The following GSG1L variants were observed in gnomAD, a reference collection of about 807,000 sequenced individuals.
GSG1L encodes germ cell-specific gene 1-like protein.
In GSG1L, 24 loss-of-function variants were observed where a neutral mutation model predicts 42.1. The observed-to-expected ratio is 0.57, with a 90% confidence interval of 0.41 to 0.80. The LOEUF is 0.80. GSG1L is among the 30% of genes least tolerant of loss of function. GSG1L has a pLI of 0.00. For missense variants in GSG1L, 445 were observed against 472.2 expected (o/e 0.94, Z 0.53); for synonymous variants, 215 against 203.5 (o/e 1.06, Z -0.48).
intron 2 of GSG1L, among the ~76,000 whole-genome samples, chr16:27,899,690 C>G (rs2084234912): frequency 6.6e-6 from 1 of 152,138 alleles, no homozygotes; most frequent in Non-Finnish European, 1.5e-5. Context: ...GCACTCCAGC[C>G]AGGGTGACAG....
chr16:27,864,315 C>T (rs1162129400), intron 3 of GSG1L, among the ~76,000 whole-genome samples: 1 of 152,074 alleles, frequency 6.6e-6, no homozygotes. Flanking sequence ...GAGATAGTTT[C>T]CAAAGGAAAG....
At chr16:28,008,823 T>C (rs2085675564) in intron 1 of GSG1L, among the ~76,000 whole-genome samples, 1 of 152,194 alleles carries the variant, frequency 6.6e-6, no homozygotes, top group African/African-American at 2.4e-5. Flanking sequence ...TGTTTGTTTG[T>C]TTTGAGACAG....
At chr16:27,957,990 G>A (rs866501345) in intron 2 of GSG1L, among the ~76,000 whole-genome samples, 11 of 152,252 alleles carry the variant, frequency 7.2e-5, no homozygotes, top group East Asian at 5.8e-4. Context: ...CCAAGGGGAC[G>A]GCACCAAGTC....
intron 2 of GSG1L, among the ~76,000 whole-genome samples, chr16:27,947,561 GA>G (rs1379093275): frequency 1.2e-5 from 1 of 84,394 alleles, no homozygotes; most frequent in Non-Finnish European, 2.9e-5. Flanking sequence ...AAGAAAGAAA[GA>G]AAGAAAGAAA....
chr16:27,859,738 C>T (rs141778264), intron 3 of GSG1L, among the ~76,000 whole-genome samples: 106 of 152,320 alleles, frequency 7.0e-4, no homozygotes, highest in African/African-American at 2.5e-3. Context: ...TGCAGTGGCA[C>T]GATCATAGCT....
At chr16:27,838,280 T>C (rs1026268741) in intron 4 of GSG1L, among the ~76,000 whole-genome samples, 1 of 152,186 alleles carries the variant, frequency 6.6e-6, no homozygotes, top group Non-Finnish European at 1.5e-5. Flanking sequence ...AGGACAGATA[T>C]GAAAACACTG....
At position 27,973,467 on chromosome 16, in the gene GSG1L, AAG is replaced by A. The variant is rs1465975319; in HGVS notation, c.350-10266_350-10265del. On this transcript the variant is annotated intron_variant, in intron 1 of 6. Coordinates refer to ENST00000447459, the MANE Select transcript of GSG1L (RefSeq NM_001109763.2). ...AAAAAAAAAAAAAAAAAAAAAAAAA[AAG>A]AGTGTGTGCTTAGGAGATGGCTTTC... 7.4e-4 allele frequency among the ~76,000 whole-genome samples: 108 copies of A among 145,306 alleles called. 1 individual carries two copies. Among genetic ancestry groups the A allele is most frequent in the African/African-American group, 2.6e-3 (99 of 38,266 alleles).
intron 1 of GSG1L, among the ~76,000 whole-genome samples, chr16:28,026,487 T>A (rs1249258088): frequency 6.6e-6 from 1 of 152,078 alleles, no homozygotes. Flanking sequence ...CGAGTCGGCT[T>A]TCGCTGCCAG....
At chr16:27,843,121 A>G (rs2083405162) in intron 4 of GSG1L, among the ~76,000 whole-genome samples, 1 of 152,214 alleles carries the variant, frequency 6.6e-6, no homozygotes, top group East Asian at 1.9e-4. Flanking sequence ...TCCTAGAGGA[A>G]GTACTCAGTT....
At chr16:27,931,596 T>C (rs534535187) in intron 2 of GSG1L, among the ~76,000 whole-genome samples, 3 of 152,320 alleles carry the variant, frequency 2.0e-5, no homozygotes, top group African/African-American at 7.2e-5. Context: ...GGTCAGGATA[T>C]GGGAACTTTA....
At chr16:27,925,226 G>T (rs2084576922) in intron 2 of GSG1L, among the ~76,000 whole-genome samples, 1 of 152,174 alleles carries the variant, frequency 6.6e-6, no homozygotes, top group Admixed American at 6.5e-5. Context: ...ATTCTTAAAG[G>T]ATATGACATT....
chr16:27,813,799 A>G (rs578250434), intron 5 of GSG1L, among the ~76,000 whole-genome samples: 8 of 152,330 alleles, frequency 5.3e-5, no homozygotes, highest in Non-Finnish European at 1.2e-4. Context: ...GGACAAGGGT[A>G]GGCTTTGGGC....
At chr16:27,913,664 A>T (rs2084417736) in intron 2 of GSG1L, among the ~76,000 whole-genome samples, 1 of 152,166 alleles carries the variant, frequency 6.6e-6, no homozygotes, top group African/African-American at 2.4e-5. Flanking sequence ...TTTATGTATC[A>T]TCTATGGCTG....
At chr16:27,979,700 A>AGAG (rs2085298699) in intron 1 of GSG1L, among the ~76,000 whole-genome samples, 1 of 46,568 alleles carries the variant, frequency 2.1e-5, no homozygotes, top group African/African-American at 7.4e-5. Flanking sequence ...GGAAGGAAGG[A>AGAG]AGGAAGGAAG....
chr16:27,938,863 T>C (rs2084751840), intron 2 of GSG1L, among the ~76,000 whole-genome samples: 1 of 152,156 alleles, frequency 6.6e-6, no homozygotes, highest in Admixed American at 6.5e-5. Context: ...GCCCAAGTAC[T>C]GGCAAGGCAG....
At chr16:27,883,589 G>A (rs1183856096) in intron 3 of GSG1L, among the ~76,000 whole-genome samples, 5 of 152,108 alleles carry the variant, frequency 3.3e-5, no homozygotes, top group Non-Finnish European at 7.3e-5. Context: ...CATCGTTTTG[G>A]TTTCATTAAA....
chr16:27,819,701 C>T (rs1030677888), intron 5 of GSG1L, among the ~76,000 whole-genome samples: 17 of 152,118 alleles, frequency 1.1e-4, no homozygotes, highest in East Asian at 3.9e-4. Flanking sequence ...CCGGAGTACA[C>T]GGTGGGACTC....
intron 2 of GSG1L, among the ~76,000 whole-genome samples, chr16:27,909,635 C>CTTTT (rs10709968): frequency 1.2e-4 from 11 of 88,288 alleles, no homozygotes; most frequent in East Asian, 2.9e-4. Context: ...CTGCACCCAG[C>CTTTT]TTTTTTTTTT....
At chr16:27,793,584 C>T (rs79079298) in intron 6 of GSG1L, among the ~76,000 whole-genome samples, 6,647 of 152,236 alleles carry the variant, frequency 0.044, 163 homozygotes, top group Admixed American at 0.074. Context: ...GCTGCTTGTA[C>T]AGTGGCTGAA....
Sources: gnomAD v4.1 joint callset for allele counts (sites outside exome capture counted in the v4.1 genomes callset) on GRCh38, gnomAD v4.1.1 for gene constraint, MANE v1.5 for transcripts, NCBI Gene and HGNC (gene_info 2026-07-23, HGNC 2026-07-21) for gene names.